RAVER2: variants seen among roughly 807,000 people sequenced by gnomAD.
RAVER2 encodes ribonucleoprotein, PTB binding 2.
Under a neutral mutation model 78.1 loss-of-function variants are expected in RAVER2, and 46 were observed. The ratio of observed to expected loss-of-function variants is 0.59; its 90% CI spans 0.46 to 0.75. RAVER2 has a LOEUF of 0.75. Ranked by LOEUF, RAVER2 falls within the 30% of genes least tolerant of loss-of-function variation. The pLI, the probability that RAVER2 is intolerant of heterozygous loss-of-function variation, is 0.00. For synonymous variants in RAVER2, 311 were observed against 313.3 expected, an observed-to-expected ratio of 0.99 and a Z score of 0.08; for missense variants, 793 against 837.5, an observed-to-expected ratio of 0.95 and a Z score of 0.66.
intron 4 of RAVER2, among the ~76,000 whole-genome samples, 173 bp from the exon 5 acceptor site, chr1:64,789,215 T>C (rs1044745015): frequency 6.6e-6 from 1 of 152,244 alleles, no homozygotes; most frequent in African/African-American, 2.4e-5. Flanking sequence ...ATGCCATATG[T>C]ATAATTGAGA....
intron 2 of RAVER2, among the ~76,000 whole-genome samples, chr1:64,771,281 A>G (rs548542821): frequency 2.6e-5 from 4 of 152,194 alleles, no homozygotes; most frequent in African/African-American, 7.2e-5. Flanking sequence ...ACCAAAATAA[A>G]CAAAAACACA....
At chr1:64,768,685 C>G in exon 2 of RAVER2, 1 of 1,562,520 alleles carries the variant, frequency 6.4e-7, no homozygotes, top group Non-Finnish European at 8.8e-7. Context: ...AAGACTATGA[C>G]TTAAAATATT....
chr1:64,809,235 T>A (rs551050922), intron 9 of RAVER2, among the ~76,000 whole-genome samples: 1 of 152,250 alleles, frequency 6.6e-6, no homozygotes, highest in South Asian at 2.1e-4. Context: ...GATGTGAATG[T>A]CATATCACCA....
At chr1:64,826,556 GT>G (rs1654007578) in intron 11 of RAVER2, among the ~76,000 whole-genome samples, 1 of 152,194 alleles carries the variant, frequency 6.6e-6, no homozygotes, top group African/African-American at 2.4e-5. Context: ...AGGAGATGAT[GT>G]CACAGTGGGG....
intron 1 of RAVER2, among the ~76,000 whole-genome samples, chr1:64,747,292 A>G (rs1227470552): frequency 6.6e-6 from 1 of 152,146 alleles, no homozygotes; most frequent in African/African-American, 2.4e-5. Context: ...TAGTGACTAT[A>G]TTTTACTGTC....
At chr1:64,833,148 C>CGTTTTG (rs1263316388) in exon 12 of RAVER2, 1 of 182,138 alleles carries the variant, frequency 5.5e-6, no homozygotes, top group Non-Finnish European at 1.2e-5. Flanking sequence ...CCCCCCAAAA[C>CGTTTTG]TATACTGTTA....
At chr1:64,821,256 T>C (rs751073498) in intron 11 of RAVER2, among the ~76,000 whole-genome samples, 14 of 152,212 alleles carry the variant, frequency 9.2e-5, no homozygotes, top group South Asian at 6.2e-4. Flanking sequence ...ATGGGGTTGT[T>C]TTTTTCTTGT....
In RAVER2 at chr1:64,797,973, G is replaced by T. The variant is rs1394009058; in HGVS notation, c.1106-5003G>T. 7.5e-5 allele frequency among the ~76,000 whole-genome samples: 11 copies of T among 147,354 alleles called. No homozygotes were observed. The Admixed American group carries it at 7.5e-4, about 10-fold the overall frequency. On this transcript the variant is annotated intron_variant, in intron 5 of 11. Transcript: ENST00000294428. The stretch of plus-strand genomic sequence containing the variant: ...GTTTTAGGGTACATGTGCACATTGT[G>T]CAGGTTAGTTACATATGTATACATG...
At chr1:64,767,376 A>G (rs1455650683) in intron 1 of RAVER2, among the ~76,000 whole-genome samples, 2 of 152,044 alleles carry the variant, frequency 1.3e-5, no homozygotes, top group Non-Finnish European at 2.9e-5. Context: ...GGAGCCAGAC[A>G]GATAGAGTGA....
In RAVER2 at chr1:64,804,646, G is replaced by T. The variant is rs142899689; in HGVS notation, c.1192-88G>T. ...AGAAGCAGTTACTTTTACTCAGATC[G>T]ACTGGAGAATTGAACTTCAAAATGA... On this transcript the variant is annotated intron_variant, in intron 6 of 11. Coordinates refer to ENST00000294428, the Ensembl canonical transcript of RAVER2. 2.5e-5 allele frequency: 16 copies of T among 642,248 alleles called. No individual in the cohort carries two copies. In the Admixed American group the frequency reaches 4.6e-4, roughly 18 times the overall value. 39.8% of individuals were successfully genotyped at this position (642,248 alleles called of 1,614,324 possible).
At chr1:64,796,874 T>G (rs1325995841) in intron 5 of RAVER2, among the ~76,000 whole-genome samples, 1 of 152,182 alleles carries the variant, frequency 6.6e-6, no homozygotes, top group Non-Finnish European at 1.5e-5. Context: ...TTTTAATGTG[T>G]TTAGTATTAC....
chr1:64,803,102 G>T (rs746227789), intron 6 of RAVER2, 41 bp downstream of exon 6: 44 of 1,396,408 alleles, frequency 3.2e-5, no homozygotes, highest in Admixed American at 9.3e-5. Flanking sequence ...TAAATATTCG[G>T]AGTGAATATT....
Position 64,745,234 on chromosome 1 carries a change from G to C in RAVER2, c.62G>C (p.Gly21Ala). The change falls in exon 1 of 12, where the codon GGG becomes GCG. Residue 21 changes from glycine (G) to alanine (A), a missense_variant. Gly to Ala is a moderately conservative substitution (Grantham distance 60). Transcript: ENST00000294428. This position sits in a 1 kb window ranked among gnomAD's most constrained non-coding sequence, Gnocchi z 4.3. ...GGCGCGGGCCTGGGCAGCGCGGCGGGGCTGGGGCCGGGGCCGGGGCTGCGC... is the reference window on the plus strand; with the variant it reads ...GGCGCGGGCCTGGGCAGCGCGGCGGCGCTGGGGCCGGGGCCGGGGCTGCGC... 8.9e-7 allele frequency: 1 copy of C among 1,123,370 alleles called. No individual in the cohort carries two copies. The allele number at this position is 1,123,370 out of a possible 1,614,324, so 69.6% of individuals were successfully genotyped here.
intron 4 of RAVER2, among the ~76,000 whole-genome samples, chr1:64,787,090 A>G (rs958856923): frequency 1.3e-5 from 2 of 152,184 alleles, no homozygotes; most frequent in Admixed American, 1.3e-4. Context: ...ATTCTTTAAA[A>G]ACTGCTTGTC....
At chr1:64,826,422 G>A (rs1335014778) in intron 11 of RAVER2, among the ~76,000 whole-genome samples, 1 of 152,186 alleles carries the variant, frequency 6.6e-6, no homozygotes, top group Non-Finnish European at 1.5e-5. Flanking sequence ...GAATATCTAT[G>A]TAAAGTACAT....
intron 2 of RAVER2, among the ~76,000 whole-genome samples, chr1:64,776,435 G>C (rs1362175580): frequency 6.6e-6 from 1 of 152,204 alleles, no homozygotes; most frequent in Admixed American, 6.5e-5. Flanking sequence ...GTGGTGAGAT[G>C]CTCTTACTCT....
At chr1:64,789,216 A>G (rs182204688) in intron 4 of RAVER2, among the ~76,000 whole-genome samples, 172 bp from the exon 5 acceptor site, 276 of 152,372 alleles carry the variant, frequency 1.8e-3, no homozygotes, top group African/African-American at 6.3e-3. Flanking sequence ...TGCCATATGT[A>G]TAATTGAGAA....
intron 11 of RAVER2, among the ~76,000 whole-genome samples, chr1:64,824,751 G>A (rs919870723): frequency 7.3e-5 from 11 of 151,710 alleles, no homozygotes; most frequent in African/African-American, 2.2e-4. Flanking sequence ...CCAACAGGGC[G>A]AAACCCCGTC....
intron 4 of RAVER2, among the ~76,000 whole-genome samples, chr1:64,788,533 C>T (rs189265019): frequency 6.6e-6 from 1 of 150,788 alleles, no homozygotes; most frequent in African/African-American, 2.4e-5. Flanking sequence ...GTGGCTCACA[C>T]CTATAATCCT....
Sources: allele counts gnomAD v4.1 joint callset (sites outside exome capture counted in the v4.1 genomes callset), GRCh38; gene constraint gnomAD v4.1.1; non-coding constraint Gnocchi (gnomAD v3.1); transcripts MANE v1.5; gene names NCBI Gene and HGNC (gene_info 2026-07-23, HGNC 2026-07-21).